ARL10: variants seen among roughly 807,000 people sequenced by gnomAD.
ARL10 encodes ARF like GTPase 10.
In ARL10, 23 loss-of-function variants were observed where a neutral mutation model predicts 26.1. The ratio of observed to expected loss-of-function variants is 0.88; its 90% confidence interval spans 0.63 to 1.25. The LOEUF is 1.25. Among genes scored for constraint, ARL10 ranks in the 50% most tolerant of loss-of-function variants. The probability of loss-of-function intolerance (pLI) is 0.00; values close to 1 mark genes in which losing one functional copy is unlikely to be tolerated. For missense variants in ARL10, 300 were observed against 323.6 expected (o/e 0.93, Z 0.56); for synonymous variants, 138 against 149.1 (o/e 0.93, Z 0.54).
chr5:176,394,904 CA>C (rs1756445405), intron 1 of ARL10, among the ~76,000 whole-genome samples: 1 of 152,162 alleles, frequency 6.6e-6, no homozygotes, highest in Non-Finnish European at 1.5e-5. Flanking sequence ...TCAGGCTCAA[CA>C]GAAGCATCGA....
At chr5:176,397,559 C>T (rs1418078821) in intron 1 of ARL10, 3 of 1,020,454 alleles carry the variant, frequency 2.9e-6, no homozygotes, top group Non-Finnish European at 2.8e-6. Flanking sequence ...GTCCCCACAG[C>T]CCCCCTCATG....
chr5:176,366,864 G>A (rs1261299086), intron 2 of ARL10, among the ~76,000 whole-genome samples: 4 of 152,074 alleles, frequency 2.6e-5, no homozygotes, highest in African/African-American at 9.7e-5. Flanking sequence ...CATATGCCAA[G>A]CACTTGACGG....
chr5:176,410,225 C>T, the ARL10 span: 9 of 1,607,930 alleles, frequency 5.6e-6, no homozygotes, highest in Non-Finnish European at 7.7e-6. Context: ...GGCTGTTGGT[C>T]CTTACCACTG....
intron 3 of ARL10, among the ~76,000 whole-genome samples, chr5:176,370,332 C>T (rs1337816296): frequency 6.6e-6 from 1 of 152,126 alleles, no homozygotes; most frequent in Non-Finnish European, 1.5e-5. Flanking sequence ...CGCCTTGGGC[C>T]CAGGAACCCT....
the ARL10 span, among the ~76,000 whole-genome samples, chr5:176,408,261 C>T: frequency 1.6e-4 from 24 of 150,452 alleles, no homozygotes; most frequent in African/African-American, 4.4e-4. Flanking sequence ...ATGCCGGGCA[C>T]GGTGGCTCGT....
At chr5:176,369,754 G>A (rs1581393842) in intron 3 of ARL10, among the ~76,000 whole-genome samples, 1 of 151,786 alleles carries the variant, frequency 6.6e-6, no homozygotes, top group Admixed American at 6.6e-5. Flanking sequence ...CCAGGAGTTC[G>A]AGACCAGCCT....
At chr5:176,383,614 G>A (rs1755608521), downstream of ARL10, among the ~76,000 whole-genome samples, 2 of 152,362 alleles carry the variant, frequency 1.3e-5, no homozygotes, top group African/African-American at 2.4e-5. Context: ...GCCAGGAGTT[G>A]AGCTCCTTAC....
At chr5:176,366,340 G>A (rs1337975285) in intron 1 of ARL10, 40 bp from the exon 2 acceptor site, 6 of 1,566,104 alleles carry the variant, frequency 3.8e-6, no homozygotes, top group Admixed American at 3.7e-5. Flanking sequence ...AGGTCCTTCG[G>A]GAGGCCGCCA....
At chr5:176,370,793 T>TA in intron 3 of ARL10, among the ~76,000 whole-genome samples, 1 of 152,210 alleles carries the variant, frequency 6.6e-6, no homozygotes, top group Non-Finnish European at 1.5e-5. Context: ...AATTACAACA[T>TA]ACCATCACCA....
intron 1 of ARL10, chr5:176,388,181 T>A: frequency 7.4e-7 from 1 of 1,350,134 alleles, no homozygotes; most frequent in Non-Finnish European, 1.1e-6. Flanking sequence ...CCTAGGTCAG[T>A]ATGGCGGGGG....
At chr5:176,370,885 C>T (rs1768507995) in intron 3 of ARL10, among the ~76,000 whole-genome samples, 2 of 152,204 alleles carry the variant, frequency 1.3e-5, no homozygotes, top group African/African-American at 2.4e-5. Context: ...TGTATCATCT[C>T]TCCATGACTG....
At position 176,366,344 on chromosome 5, in the gene ARL10, G is replaced by T. The variant is rs545421214; in HGVS notation, c.184-36G>T. Reference sequence around the variant, plus strand: ...TCCCTCGGGAAAGGTCCTTCGGGAGGCCGCCAGCCGCAACCTTACCTCCGC... The same window carrying T: ...TCCCTCGGGAAAGGTCCTTCGGGAGTCCGCCAGCCGCAACCTTACCTCCGC... On this transcript the variant is annotated intron_variant, in intron 1 of 3. Coordinates refer to ENST00000310389, the MANE Select transcript of ARL10 (RefSeq NM_173664.6). The T allele has an allele frequency of 1.0e-5, 16 of 1,568,394 alleles. No homozygotes were observed. The East Asian group carries it at 3.5e-4, about 35-fold the overall frequency.
rs1306998961 is a variant in ARL10, at chr5:176,373,433, T to G, written c.*1538T>G. 1 of 178,018 alleles carries G rather than the reference T, an allele frequency of 5.6e-6. No homozygotes were observed. Among genetic ancestry groups the G allele is most frequent in the Non-Finnish European group, 1.2e-5 (1 of 85,564 alleles). 11.0% of individuals were successfully genotyped at this position (178,018 alleles called of 1,614,324 possible). A position where few individuals can be genotyped will look rare whatever the true frequency, so the allele number is the denominator to read the frequency against. The stretch of plus-strand genomic sequence containing the variant: ...AACAACCACAAATGGATTTTTTTTT[T>G]AAGAGGAGCTGTGCACCTCAATTTG... On this transcript the variant is annotated 3_prime_UTR_variant, in exon 4 of 4. Coordinates refer to ENST00000310389, the MANE Select transcript of ARL10 (RefSeq NM_173664.6).
chr5:176,410,329 T>C, the ARL10 span: 5 of 1,608,216 alleles, frequency 3.1e-6, no homozygotes, highest in African/African-American at 2.7e-5. Context: ...GGAGATAGCA[T>C]TACTCACTGT....
Position 176,368,940 on chromosome 5 carries a change from C to T in ARL10, c.519C>T (p.Asp173=). Residue 173 remains aspartate, a synonymous_variant, in exon 3 of 4, where the codon GAC becomes GAT. Coordinates refer to ENST00000310389, the MANE Select transcript of ARL10 (RefSeq NM_173664.6). The surrounding 1 kb of genome is among the most constrained non-coding windows in gnomAD (Gnocchi z 4.1). Reference sequence around the variant, plus strand: ...GACAGGAGCTGCACAAGCTGCTGGACAAGGACCCTGACCTGCCTGTCGTCG... The same window carrying T: ...GACAGGAGCTGCACAAGCTGCTGGATAAGGACCCTGACCTGCCTGTCGTCG... ...WARQELHKLL[D]KDPDLPVVVV... The T allele has an allele frequency of 1.2e-6, 2 of 1,614,112 alleles. No homozygotes were observed. Among genetic ancestry groups the T allele is most frequent in the Non-Finnish European group, 1.7e-6 (2 of 1,180,024 alleles).
intron 1 of ARL10, chr5:176,388,155 G>C (rs1756036968): frequency 9.4e-7 from 1 of 1,068,824 alleles, no homozygotes; most frequent in East Asian, 2.4e-5. Context: ...GGAATGGGCA[G>C]TACCACGTTC....
In ARL10 at chr5:176,365,608, C is replaced by CGT; in HGVS notation, c.46_47insTG (p.Ala16ValfsTer113). On this transcript the variant is annotated frameshift_variant, in exon 1 of 4. Transcript: ENST00000310389. LOFTEE classifies it high-confidence loss of function. ...GCCCCTTGGTGCTGGCGCTGGGCGG[C>CGT]GCCGCGGCGGTGCTGGGCTCGGTGC... 1 of 1,256,064 alleles carries CGT rather than the reference C, an allele frequency of 8.0e-7. No individual in the cohort carries two copies. Among genetic ancestry groups the CGT allele is most frequent in the Non-Finnish European group, 1.0e-6 (1 of 1,002,152 alleles). 77.8% of individuals were successfully genotyped at this position (1,256,064 alleles called of 1,614,324 possible).
At chr5:176,390,201 AAAG>A (rs1312364884), downstream of ARL10, among the ~76,000 whole-genome samples, 6 of 151,390 alleles carry the variant, frequency 4.0e-5, no homozygotes, top group East Asian at 1.2e-3. Context: ...AAAAAAAAAA[AAAG>A]AATCTCAAGG....
downstream of ARL10, among the ~76,000 whole-genome samples, chr5:176,403,049 ATT>A (rs34807992): frequency 1.7e-4 from 23 of 137,928 alleles, no homozygotes; most frequent in African/African-American, 3.5e-4. Flanking sequence ...GCCTGCCCTA[ATT>A]TTTTTTTTTT....
Sources: allele counts gnomAD v4.1 joint callset (sites outside exome capture counted in the v4.1 genomes callset), GRCh38; gene constraint gnomAD v4.1.1; non-coding constraint Gnocchi (gnomAD v3.1); transcripts MANE v1.5; gene names NCBI Gene and HGNC (gene_info 2026-07-23, HGNC 2026-07-21).